ATP8A2: variants seen among roughly 807,000 people sequenced by gnomAD.
ATP8A2 encodes phospholipid-transporting ATPase IB.
ATP8A2 carries 100 observed loss-of-function variants against 165.6 expected under a neutral mutation model. The ratio of observed to expected loss-of-function variants is 0.60; its 90% CI spans 0.51 to 0.71. The LOEUF (loss-of-function observed/expected upper bound fraction) is 0.71. ATP8A2 is among the 30% of genes least tolerant of loss of function. The pLI, the probability that ATP8A2 is intolerant of heterozygous loss-of-function variation, is 0.00. For synonymous variants in ATP8A2, 543 were observed against 548.8 expected, an observed-to-expected ratio of 0.99 and a Z score of 0.15; for missense variants, 1,227 against 1,479.5, an observed-to-expected ratio of 0.83 and a Z score of 2.80.
intron 23 of ATP8A2, among the ~76,000 whole-genome samples, chr13:25,587,594 A>G (rs552082524): frequency 5.9e-5 from 9 of 152,374 alleles, no homozygotes; most frequent in Non-Finnish European, 1.2e-4. Context: ...AAAAACTACC[A>G]GTAAATCCTT....
At chr13:25,783,496 T>G (rs918021464) in intron 27 of ATP8A2, among the ~76,000 whole-genome samples, 4 of 152,196 alleles carry the variant, frequency 2.6e-5, no homozygotes, top group Non-Finnish European at 5.9e-5. Context: ...TGGAATCAAA[T>G]AGAGAATGCA....
intron 28 of ATP8A2, among the ~76,000 whole-genome samples, chr13:25,829,721 T>C (rs191672534): frequency 1.7e-4 from 20 of 119,022 alleles, no homozygotes; most frequent in African/African-American, 5.8e-4. Context: ...TATATATATA[T>C]CACCTGCTTA....
At chr13:25,393,468 T>G (rs1198887877) in intron 1 of ATP8A2, among the ~76,000 whole-genome samples, 1 of 152,166 alleles carries the variant, frequency 6.6e-6, no homozygotes, top group Non-Finnish European at 1.5e-5. Flanking sequence ...CAGGCTGGAG[T>G]GCAGTGGTGC....
intron 24 of ATP8A2, among the ~76,000 whole-genome samples, chr13:25,590,741 C>A (rs1037662398): frequency 6.6e-6 from 1 of 152,170 alleles, no homozygotes; most frequent in Admixed American, 6.5e-5. Flanking sequence ...GTTAATTACT[C>A]TTTTAAAGGG....
intron 15 of ATP8A2, among the ~76,000 whole-genome samples, chr13:25,560,700 CAAAAAAAAAAAAAAAA>C (rs748751011): frequency 1.6e-5 from 1 of 63,292 alleles, no homozygotes; most frequent in Non-Finnish European, 2.9e-5. Context: ...ACTCTTGTCT[CAAAAAAAAAAAAAAAA>C]AAAAAAAAGA....
chr13:25,883,591 C>G (rs767730661), intron 33 of ATP8A2, among the ~76,000 whole-genome samples: 2 of 152,222 alleles, frequency 1.3e-5, no homozygotes, highest in Non-Finnish European at 2.9e-5. Flanking sequence ...TGTCTTCACT[C>G]CTGTGCCTTG....
intron 27 of ATP8A2, among the ~76,000 whole-genome samples, chr13:25,816,104 A>G (rs890547825): frequency 4.6e-5 from 7 of 152,212 alleles, no homozygotes; most frequent in Non-Finnish European, 8.8e-5. Context: ...ATGGGTACAC[A>G]TCAAGGTAAA....
At chr13:25,730,892 A>C (rs1249496313) in intron 25 of ATP8A2, among the ~76,000 whole-genome samples, 1 of 152,010 alleles carries the variant, frequency 6.6e-6, no homozygotes, top group Non-Finnish European at 1.5e-5. Context: ...CCTGGGAAAC[A>C]AAGTGAGACC....
intron 25 of ATP8A2, among the ~76,000 whole-genome samples, chr13:25,712,368 C>T (rs2043175352): frequency 6.6e-6 from 1 of 152,262 alleles, no homozygotes; most frequent in African/African-American, 2.4e-5. Flanking sequence ...CCACTAGAAA[C>T]CCTGGAGCCT....
intron 24 of ATP8A2, among the ~76,000 whole-genome samples, chr13:25,661,462 T>TA (rs1203329374): frequency 2.6e-5 from 4 of 152,240 alleles, no homozygotes; most frequent in African/African-American, 9.6e-5. Flanking sequence ...TGTCATTACT[T>TA]ATATAGATTT....
intron 24 of ATP8A2, among the ~76,000 whole-genome samples, chr13:25,687,167 A>C (rs1444453674): frequency 6.6e-6 from 1 of 152,156 alleles, no homozygotes; most frequent in Non-Finnish European, 1.5e-5. Context: ...GGAGTTCAGG[A>C]GGCAGCAGAT....
chr13:25,751,189 C>T (rs2044146615), intron 25 of ATP8A2, among the ~76,000 whole-genome samples: 2 of 152,298 alleles, frequency 1.3e-5, no homozygotes, highest in South Asian at 4.1e-4. Context: ...AATTCAACCT[C>T]GTCAACAGAT....
At chr13:25,676,079 A>G (rs958496676) in intron 24 of ATP8A2, among the ~76,000 whole-genome samples, 3 of 152,154 alleles carry the variant, frequency 2.0e-5, no homozygotes, top group Non-Finnish European at 4.4e-5. Flanking sequence ...AAAAAAATGT[A>G]TATGTATATT....
At chr13:25,961,949 AG>A (rs1399625206) in intron 34 of ATP8A2, among the ~76,000 whole-genome samples, 1 of 152,186 alleles carries the variant, frequency 6.6e-6, no homozygotes, top group African/African-American at 2.4e-5. Context: ...ACTCGAGCCC[AG>A]GTGTTTGAGG....
intron 1 of ATP8A2, among the ~76,000 whole-genome samples, chr13:25,376,026 G>A (rs2032613747): frequency 6.6e-6 from 1 of 152,064 alleles, no homozygotes; most frequent in Admixed American, 6.6e-5. Flanking sequence ...GGAGAATCAG[G>A]GCAGCTGAAA....
intron 24 of ATP8A2, among the ~76,000 whole-genome samples, chr13:25,625,365 C>G (rs1033851162): frequency 2.0e-5 from 3 of 152,194 alleles, no homozygotes; most frequent in African/African-American, 7.2e-5. Flanking sequence ...AACATACAGC[C>G]TCTTTATGTC....
chr13:25,604,817 G>GATAGTC (rs1343223558), intron 24 of ATP8A2, among the ~76,000 whole-genome samples: 1 of 152,124 alleles, frequency 6.6e-6, no homozygotes, highest in East Asian at 1.9e-4. Context: ...GTTTTTGATA[G>GATAGTC]ATAGTCCATG....
rs886357113 is a variant in ATP8A2 at position 25,953,996 on chromosome 13, A to C, written c.3184-7579A>C. Among the ~76,000 whole-genome samples, 1 of 151,812 alleles carries C rather than the reference A, an allele frequency of 6.6e-6. No individual in the cohort carries two copies. Among genetic ancestry groups the C allele is most frequent in the African/African-American group, 2.4e-5 (1 of 41,296 alleles). On this transcript the variant is annotated intron_variant, in intron 33 of 36. Transcript: ENST00000381655. This position sits in a 1 kb window ranked among gnomAD's most constrained non-coding sequence, Gnocchi z 6.7. ...ATACCCCAGTGGCACCTGGAATGCC[A>C]GCAAGACAGAACCGTTCACTTCCCT... is the stretch of plus-strand genomic sequence containing the variant.
At chr13:25,952,897 G>C (rs1183121888) in intron 33 of ATP8A2, among the ~76,000 whole-genome samples, 2 of 152,180 alleles carry the variant, frequency 1.3e-5, no homozygotes, top group Non-Finnish European at 2.9e-5. Flanking sequence ...AGTAAAAAGA[G>C]AAGGAGATTT....
Sources: allele counts gnomAD v4.1 joint callset (sites outside exome capture counted in the v4.1 genomes callset), GRCh38; gene constraint gnomAD v4.1.1; non-coding constraint Gnocchi (gnomAD v3.1); transcripts MANE v1.5; gene names NCBI Gene and HGNC (gene_info 2026-07-23, HGNC 2026-07-21).